PIK3R4: variants seen among roughly 807,000 people sequenced by gnomAD.
PIK3R4 encodes the protein phosphoinositide-3-kinase regulatory subunit 4.
In PIK3R4, 46 loss-of-function variants were observed where a neutral mutation model predicts 136.5. The observed-to-expected ratio is 0.34, with a 90% CI of 0.27 to 0.43. The LOEUF is 0.43. Among genes scored for constraint, PIK3R4 ranks in the 20% least tolerant of loss-of-function variants. The pLI is 1.00. For synonymous variants in PIK3R4, 557 were observed against 566.7 expected, an observed-to-expected ratio of 0.98 and a Z score of 0.24; for missense variants, 1,331 against 1,649.5, an observed-to-expected ratio of 0.81 and a Z score of 3.35.
intron 7 of PIK3R4, 29 bp downstream of exon 7, chr3:130,723,385 C>A: frequency 1.3e-6 from 2 of 1,569,274 alleles, no homozygotes; most frequent in East Asian, 2.2e-5. Context: ...CTTCCAATCT[C>A]ATTCTAATTT....
At chr3:130,711,031 A>AG (rs533228047) in intron 9 of PIK3R4, among the ~76,000 whole-genome samples, 2,952 of 149,958 alleles carry the variant, frequency 0.02, 95 homozygotes, top group African/African-American at 0.067. Flanking sequence ...AAAAAAAAAA[A>AG]CAAGCTGGGA....
chr3:130,719,423 G>C (rs905788841), intron 7 of PIK3R4, among the ~76,000 whole-genome samples: 1 of 152,176 alleles, frequency 6.6e-6, no homozygotes. Flanking sequence ...TACAATCATA[G>C]GCTAATAATA....
intron 13 of PIK3R4, among the ~76,000 whole-genome samples, chr3:130,691,866 A>G (rs1173224096): frequency 8.1e-6 from 1 of 123,948 alleles, no homozygotes; most frequent in Non-Finnish European, 1.7e-5. Flanking sequence ...ATCTCTCTCT[A>G]GTTTTTTTTT....
Position 130,716,386 on chromosome 3 carries a change from G to T in PIK3R4, c.2331+10C>A. 6.2e-7 allele frequency: 1 copy of T among 1,607,196 alleles called. No homozygotes were observed. The highest frequency in any genetic ancestry group is 1.7e-5 in the Admixed American group (1 of 59,910). On this transcript the variant is annotated intron_variant, in intron 9 of 19. Coordinates refer to ENST00000356763, the MANE Select transcript of PIK3R4 (RefSeq NM_014602.3). ...CATTTAAATGTAAGACTTTGGAAGG[G>T]TGATACAACCTGTGAGAGCAACTTC...
intron 9 of PIK3R4, among the ~76,000 whole-genome samples, chr3:130,714,548 C>T (rs1163381839): frequency 2.0e-5 from 3 of 152,108 alleles, no homozygotes; most frequent in African/African-American, 4.8e-5. Flanking sequence ...CATGGATATA[C>T]GTGTGCTATG....
intron 9 of PIK3R4, among the ~76,000 whole-genome samples, chr3:130,713,735 C>T (rs776835673): frequency 4.6e-5 from 7 of 151,784 alleles, no homozygotes; most frequent in Admixed American, 6.5e-5. Flanking sequence ...TGCAATGGCG[C>T]GATCTCAGCT....
rs1010706664 is a variant in PIK3R4 at position 130,736,057 on chromosome 3, T to G, written c.734-55A>C. The G allele has an allele frequency of 7.7e-6, 11 of 1,424,916 alleles. No individual in the cohort carries two copies. In the African/African-American group the frequency reaches 1.3e-4, roughly 17 times the overall value. The allele number at this position is 1,424,916 out of a possible 1,614,324, so 88.3% of individuals were successfully genotyped here. A position where few individuals can be genotyped will look rare whatever the true frequency, so the allele number is the denominator to read the frequency against. On this transcript the variant is annotated intron_variant, in intron 2 of 19. Coordinates refer to ENST00000356763, the MANE Select transcript of PIK3R4 (RefSeq NM_014602.3). ...AAAAGAGATAAAAAATATCATGCAATATAGATTGAGAACTCAGACAGTTCA... is the reference window on the plus strand; with the variant it reads ...AAAAGAGATAAAAAATATCATGCAAGATAGATTGAGAACTCAGACAGTTCA...
At chr3:130,716,218 CTTA>C (rs2066663768) in intron 9 of PIK3R4, among the ~76,000 whole-genome samples, 175 bp downstream of exon 9, 1 of 152,216 alleles carries the variant, frequency 6.6e-6, no homozygotes, top group Admixed American at 6.5e-5. Context: ...TTATCATCAT[CTTA>C]TTATTATCTT....
At chr3:130,745,572 T>C (rs535835805) in intron 1 of PIK3R4, among the ~76,000 whole-genome samples, 1 of 152,320 alleles carries the variant, frequency 6.6e-6, no homozygotes, top group East Asian at 1.9e-4. Context: ...AAAATGTTAG[T>C]TTGTGTTATT....
At chr3:130,705,465 C>T (rs1025729007) in intron 12 of PIK3R4, 96 bp downstream of exon 12, 37 of 759,840 alleles carry the variant, frequency 4.9e-5, no homozygotes, top group African/African-American at 1.1e-4. Flanking sequence ...TTGTTCTTAC[C>T]TCTTTTGTCT....
chr3:130,716,524 A>G lies in PIK3R4; in HGVS notation c.2203T>C (p.Ser735Pro), dbSNP rs747187707. 1.2e-5 allele frequency: 20 copies of G among 1,613,790 alleles called. No individual in the cohort carries two copies. Among genetic ancestry groups the G allele is most frequent in the Admixed American group, 1.7e-5 (1 of 60,012 alleles). Reference sequence around the variant, plus strand: ...CTGAACAAGCTAGTAATATCTTTAGACCTCAAAGCATAATCAAATATAGAA... The same window carrying G: ...CTGAACAAGCTAGTAATATCTTTAGGCCTCAAAGCATAATCAAATATAGAA... The part of the protein sequence containing the change: ...SRSIFDYALR[S>P]KDITSLFRHL... The change falls in exon 9 of 20, where the codon TCT becomes CCT. Residue 735 changes from serine to proline, a missense_variant. Coordinates refer to ENST00000356763, the MANE Select transcript of PIK3R4 (RefSeq NM_014602.3).
intron 9 of PIK3R4, among the ~76,000 whole-genome samples, chr3:130,709,858 G>T (rs2066625114): frequency 6.6e-6 from 1 of 152,144 alleles, no homozygotes; most frequent in Non-Finnish European, 1.5e-5. Context: ...ATTAGTGATT[G>T]CCAGGGGCTA....
intron 13 of PIK3R4, among the ~76,000 whole-genome samples, chr3:130,698,029 C>A (rs889734181): frequency 2.6e-5 from 4 of 152,200 alleles, no homozygotes; most frequent in Non-Finnish European, 2.9e-5. Flanking sequence ...TTCCTTTCAA[C>A]ACACTGACTT....
At chr3:130,684,665 G>A (rs534071737) in intron 15 of PIK3R4, among the ~76,000 whole-genome samples, 6 of 152,278 alleles carry the variant, frequency 3.9e-5, no homozygotes, top group Admixed American at 6.5e-5. Context: ...ATTAATTGCC[G>A]AAGGCACCCA....
chr3:130,685,415 A>G (rs2066483931), intron 15 of PIK3R4, among the ~76,000 whole-genome samples: 1 of 152,200 alleles, frequency 6.6e-6, no homozygotes, highest in African/African-American at 2.4e-5. Flanking sequence ...AAATTTTACA[A>G]AAGCAGCAAT....
intron 9 of PIK3R4, among the ~76,000 whole-genome samples, chr3:130,709,445 C>T (rs1170309683): frequency 6.6e-6 from 1 of 152,048 alleles, no homozygotes; most frequent in Non-Finnish European, 1.5e-5. Context: ...CTCAGGCAGA[C>T]TATGATAAAA....
intron 2 of PIK3R4, among the ~76,000 whole-genome samples, chr3:130,739,782 A>C (rs2066810323): frequency 6.6e-6 from 1 of 152,216 alleles, no homozygotes; most frequent in Non-Finnish European, 1.5e-5. Flanking sequence ...CAGATGATTA[A>C]AATTAACATC....
At position 130,684,562 on chromosome 3, in the gene PIK3R4, T is replaced by G. The variant is rs191232920; in HGVS notation, c.3476-181A>C. Among the ~76,000 whole-genome samples the G allele has an allele frequency of 2.1e-3, 318 of 152,348 alleles. 1 individual carries two copies. The highest frequency in any genetic ancestry group is 7.4e-3 in the African/African-American group (307 of 41,586). Reference sequence around the variant, plus strand: ...CCATTTTCAAACAATACCCCTTTGGTTGATAAATAACTGAGATATAAAGTG... The same window carrying G: ...CCATTTTCAAACAATACCCCTTTGGGTGATAAATAACTGAGATATAAAGTG... On this transcript the variant is annotated intron_variant, in intron 15 of 19. Transcript: ENST00000356763.
At chr3:130,722,128 G>A (rs1436910770) in intron 7 of PIK3R4, among the ~76,000 whole-genome samples, 1 of 151,972 alleles carries the variant, frequency 6.6e-6, no homozygotes, top group Admixed American at 6.6e-5. Flanking sequence ...TTTTAAATAA[G>A]TAGGTGTTTC....
Sources: gnomAD v4.1 joint callset for allele counts (sites outside exome capture counted in the v4.1 genomes callset) on GRCh38, gnomAD v4.1.1 for gene constraint, MANE v1.5 for transcripts, NCBI Gene and HGNC (gene_info 2026-07-23, HGNC 2026-07-21) for gene names.